ADAMTS3: variants seen among roughly 807,000 people sequenced by gnomAD.
The protein encoded by ADAMTS3 is A disintegrin and metalloproteinase with thrombospondin motifs 3.
Under a neutral mutation model 129.0 loss-of-function variants are expected in ADAMTS3, and 73 were observed. The ratio of observed to expected loss-of-function variants is 0.57; its 90% confidence interval spans 0.47 to 0.69. The LOEUF is 0.69. ADAMTS3 is among the 30% of genes least tolerant of loss of function. ADAMTS3 has a pLI of 0.00. For missense variants in ADAMTS3, 1,457 were observed against 1,514.5 expected (o/e 0.96, Z 0.63); for synonymous variants, 477 against 510.8 (o/e 0.93, Z 0.89).
chr4:72,530,867 A>C (rs1161361522), intron 3 of ADAMTS3, among the ~76,000 whole-genome samples: 1 of 131,064 alleles, frequency 7.6e-6, no homozygotes, highest in Non-Finnish European at 1.5e-5. Flanking sequence ...TATATGATAT[A>C]TATTATATAT....
intron 4 of ADAMTS3, among the ~76,000 whole-genome samples, chr4:72,405,542 G>A (rs963823623): frequency 4.6e-5 from 7 of 152,112 alleles, no homozygotes; most frequent in African/African-American, 1.7e-4. Context: ...TGGTAGGCCT[G>A]GAGACTATAT....
At chr4:72,406,962 T>G in intron 4 of ADAMTS3, among the ~76,000 whole-genome samples, 1 of 152,112 alleles carries the variant, frequency 6.6e-6, no homozygotes, top group East Asian at 1.9e-4. Flanking sequence ...GCAGAGAACT[T>G]AGATGATAGC....
intron 3 of ADAMTS3, among the ~76,000 whole-genome samples, chr4:72,546,748 A>G (rs1721477731): frequency 6.6e-6 from 1 of 151,924 alleles, no homozygotes; most frequent in East Asian, 1.9e-4. Flanking sequence ...AGCTGCCACT[A>G]CTCACAGGGG....
At chr4:72,355,854 T>C (rs993534206) in intron 4 of ADAMTS3, among the ~76,000 whole-genome samples, 2 of 152,054 alleles carry the variant, frequency 1.3e-5, no homozygotes, top group Non-Finnish European at 2.9e-5. Flanking sequence ...AGGTATGCTC[T>C]CCATGATATT....
rs192669037 is a variant in ADAMTS3, at chr4:72,415,332, C to T, written c.505-361G>A. Among the ~76,000 whole-genome samples the T allele has an allele frequency of 1.1e-3, 174 of 151,804 alleles. 1 individual carries two copies. The East Asian group carries it at 0.013, about 11-fold the overall frequency. On this transcript the variant is annotated intron_variant, in intron 3 of 21. Coordinates refer to ENST00000286657, the MANE Select transcript of ADAMTS3 (RefSeq NM_014243.3). The stretch of plus-strand genomic sequence containing the variant: ...AAGAATCATATGGGACACATAAATT[C>T]AAAAAATCTCTAATTTCCCAAAATA...
intron 4 of ADAMTS3, among the ~76,000 whole-genome samples, chr4:72,371,396 TA>T (rs141958209): frequency 0.025 from 3,731 of 150,702 alleles, 156 homozygotes; most frequent in African/African-American, 0.086. Context: ...ATGCAAAAGA[TA>T]AAAAATGAAA....
intron 3 of ADAMTS3, among the ~76,000 whole-genome samples, chr4:72,495,002 C>T (rs1186525751): frequency 6.6e-6 from 1 of 152,150 alleles, no homozygotes; most frequent in Non-Finnish European, 1.5e-5. Flanking sequence ...TGGGGGAAGT[C>T]ATGACCAAGG....
intron 5 of ADAMTS3, among the ~76,000 whole-genome samples, chr4:72,333,147 T>C (rs1296016888): frequency 1.3e-5 from 2 of 152,174 alleles, no homozygotes; most frequent in Non-Finnish European, 2.9e-5. Flanking sequence ...GTACATAAAG[T>C]ATTTATCAGA....
intron 3 of ADAMTS3, among the ~76,000 whole-genome samples, chr4:72,539,646 T>A (rs969221455): frequency 6.6e-6 from 1 of 152,210 alleles, no homozygotes; most frequent in Non-Finnish European, 1.5e-5. Flanking sequence ...TGAACTGTAA[T>A]TCCTACAATT....
chr4:72,288,923 T>TACATACAC (rs977045106), intron 20 of ADAMTS3, 55 bp from the exon 21 acceptor site: 6 of 452,660 alleles, frequency 1.3e-5, no homozygotes, highest in African/African-American at 8.7e-5. Flanking sequence ...ACCATGCACA[T>TACATACAC]ACACACACAC....
chr4:72,400,379 T>G (rs1721881784), intron 4 of ADAMTS3, among the ~76,000 whole-genome samples: 1 of 137,604 alleles, frequency 7.3e-6, no homozygotes, highest in African/African-American at 2.7e-5. Flanking sequence ...ACACGGTGTG[T>G]ATATATACGT....
chr4:72,368,523 G>T (rs1199338001), intron 4 of ADAMTS3, among the ~76,000 whole-genome samples: 1 of 152,126 alleles, frequency 6.6e-6, no homozygotes, highest in Non-Finnish European at 1.5e-5. Flanking sequence ...TCTCAACATG[G>T]CTTCCCAATT....
intron 2 of ADAMTS3, among the ~76,000 whole-genome samples, chr4:72,564,100 T>C (rs1721968740): frequency 6.6e-6 from 1 of 152,064 alleles, no homozygotes; most frequent in Admixed American, 6.6e-5. Flanking sequence ...GGAACAGAAA[T>C]AGGACAGATG....
chr4:72,440,850 T>G (rs1718095473), intron 3 of ADAMTS3, among the ~76,000 whole-genome samples: 1 of 151,822 alleles, frequency 6.6e-6, no homozygotes, highest in Non-Finnish European at 1.5e-5. Context: ...TTTTCACTTT[T>G]TTTATTACAA....
intron 2 of ADAMTS3, among the ~76,000 whole-genome samples, chr4:72,561,123 C>A (rs939097742): frequency 6.6e-6 from 1 of 151,920 alleles, no homozygotes; most frequent in Non-Finnish European, 1.5e-5. Context: ...GAAGCTGAGG[C>A]GGGTGGATCA....
chr4:72,350,661 C>G (rs1720410778), intron 4 of ADAMTS3, among the ~76,000 whole-genome samples: 1 of 151,988 alleles, frequency 6.6e-6, no homozygotes, highest in Non-Finnish European at 1.5e-5. Flanking sequence ...CCATCTACAG[C>G]TAATGACTGA....
chr4:72,490,272 T>C (rs966364910), intron 3 of ADAMTS3, among the ~76,000 whole-genome samples: 4 of 152,038 alleles, frequency 2.6e-5, no homozygotes, highest in Non-Finnish European at 5.9e-5. Context: ...ATAGGATATA[T>C]TGTCTGCAAA....
intron 5 of ADAMTS3, among the ~76,000 whole-genome samples, chr4:72,326,583 T>A (rs1425454544): frequency 6.6e-6 from 1 of 152,098 alleles, no homozygotes; most frequent in Non-Finnish European, 1.5e-5. Context: ...AACTCTACTT[T>A]TACTTGCTTT....
In ADAMTS3 at chr4:72,466,608, C is replaced by A. The variant is rs547703187; in HGVS notation, c.505-51637G>T. On this transcript the variant is annotated intron_variant, in intron 3 of 21. Transcript: ENST00000286657. ...TCAAGCTTGATTCTAATGGTTTTGT[C>A]TTGGATGTAATGCTATTTCTAATTT... 5.6e-4 allele frequency among the ~76,000 whole-genome samples: 85 copies of A among 152,102 alleles called. 1 individual carries two copies. Among genetic ancestry groups the A allele is most frequent in the Middle Eastern group, 3.4e-3 (1 of 294 alleles).
Sources: gnomAD v4.1 joint callset for allele counts (sites outside exome capture counted in the v4.1 genomes callset) on GRCh38, gnomAD v4.1.1 for gene constraint, MANE v1.5 for transcripts, NCBI Gene and HGNC (gene_info 2026-07-23, HGNC 2026-07-21) for gene names.